SORCS1: variants seen among roughly 807,000 people sequenced by gnomAD.
The protein encoded by SORCS1 is VPS10 domain-containing receptor SorCS1.
Under a neutral mutation model 146.1 loss-of-function variants are expected in SORCS1, and 60 were observed. The ratio of observed to expected loss-of-function variants is 0.41; its 90% CI spans 0.33 to 0.51. The LOEUF (loss-of-function observed/expected upper bound fraction) is 0.51. Among genes scored for constraint, SORCS1 ranks in the 20% least tolerant of loss-of-function variants. The probability of loss-of-function intolerance (pLI) is 0.21; values close to 1 mark genes in which losing one functional copy is unlikely to be tolerated. For synonymous variants in SORCS1, 637 were observed against 584.0 expected (o/e 1.09, Z -1.31); for missense variants, 1,352 against 1,487.6 (o/e 0.91, Z 1.50).
At chr10:106,738,151 G>A (rs530033509) in intron 5 of SORCS1, among the ~76,000 whole-genome samples, 9 of 152,264 alleles carry the variant, frequency 5.9e-5, no homozygotes, top group Admixed American at 3.3e-4. Flanking sequence ...ATTCATAATT[G>A]TAGTCACTTT....
chr10:106,866,925 A>T (rs1950240871), intron 2 of SORCS1, among the ~76,000 whole-genome samples: 1 of 152,322 alleles, frequency 6.6e-6, no homozygotes, highest in Non-Finnish European at 1.5e-5. Flanking sequence ...AGCCTCTCGT[A>T]ACTCAAGTGG....
chr10:106,938,820 C>A (rs1156757835), intron 2 of SORCS1, among the ~76,000 whole-genome samples: 5 of 152,186 alleles, frequency 3.3e-5, no homozygotes, highest in Non-Finnish European at 7.3e-5. Flanking sequence ...AACTCAGAGG[C>A]CAGACCTCTA....
At chr10:106,770,451 T>G (rs1859931709) in intron 4 of SORCS1, among the ~76,000 whole-genome samples, 1 of 150,762 alleles carries the variant, frequency 6.6e-6, no homozygotes, top group Admixed American at 6.6e-5. Flanking sequence ...ACCGATCATT[T>G]ATTTGAATGT....
chr10:106,783,457 A>C (rs529392118), intron 3 of SORCS1, among the ~76,000 whole-genome samples: 2 of 152,308 alleles, frequency 1.3e-5, no homozygotes, highest in South Asian at 4.1e-4. Flanking sequence ...AAAGGATGAC[A>C]TATATAGTAC....
At chr10:106,761,500 T>C (rs1859105377) in intron 5 of SORCS1, 88 bp downstream of exon 5, 1 of 1,136,558 alleles carries the variant, frequency 8.8e-7, no homozygotes, top group Non-Finnish European at 1.3e-6. Flanking sequence ...GTGAGAGCAC[T>C]GGTGAGAACA....
chr10:106,715,777 G>A (rs1855324390), intron 6 of SORCS1, among the ~76,000 whole-genome samples: 1 of 151,486 alleles, frequency 6.6e-6, no homozygotes, highest in Non-Finnish European at 1.5e-5. Context: ...TTTTTTTTGA[G>A]GACAGAGTCT....
In SORCS1 at chr10:107,122,562, T is replaced by C. The variant is rs116024185; in HGVS notation, c.558+41407A>G. On this transcript the variant is annotated intron_variant, in intron 1 of 25. Coordinates refer to ENST00000263054, the MANE Select transcript of SORCS1 (RefSeq NM_052918.5). ...TAATCTTAAATGATGCATATACAAA[T>C]AGCGGTAGCATTTAGTTATTTTTAT... Among the ~76,000 whole-genome samples, 535 of 152,342 alleles carry C rather than the reference T, an allele frequency of 3.5e-3. 3 individuals carry two copies. The highest frequency in any genetic ancestry group is 0.012 in the African/African-American group (494 of 41,588).
At chr10:106,804,486 T>A (rs1275632623) in intron 3 of SORCS1, among the ~76,000 whole-genome samples, 2 of 151,710 alleles carry the variant, frequency 1.3e-5, no homozygotes, top group African/African-American at 4.8e-5. Flanking sequence ...ACAACAAAAA[T>A]TAAAACAAAC....
At chr10:107,154,961 T>C (rs1969162920) in intron 1 of SORCS1, among the ~76,000 whole-genome samples, 2 of 152,242 alleles carry the variant, frequency 1.3e-5, no homozygotes, top group Admixed American at 1.3e-4. Flanking sequence ...ATAAAGTTAA[T>C]TGCACAAGTT....
chr10:106,675,742 T>G (rs1213212341), intron 13 of SORCS1, among the ~76,000 whole-genome samples: 1 of 152,220 alleles, frequency 6.6e-6, no homozygotes, highest in East Asian at 1.9e-4. Flanking sequence ...ATGTTGAATA[T>G]CTAATCGCCA....
chr10:106,844,929 G>T (rs1291755479), intron 2 of SORCS1, among the ~76,000 whole-genome samples: 3 of 149,352 alleles, frequency 2.0e-5, no homozygotes, highest in African/African-American at 7.4e-5. Flanking sequence ...TTTTATGGCT[G>T]CATAGTATTC....
chr10:107,029,757 T>C (rs1322413000), intron 1 of SORCS1, among the ~76,000 whole-genome samples: 1 of 152,178 alleles, frequency 6.6e-6, no homozygotes, highest in Admixed American at 6.5e-5. Context: ...CACACCTACA[T>C]GTATATATGC....
intron 1 of SORCS1, among the ~76,000 whole-genome samples, chr10:107,152,032 G>T (rs1489337891): frequency 6.6e-6 from 1 of 152,180 alleles, no homozygotes; most frequent in Non-Finnish European, 1.5e-5. Flanking sequence ...AGAACCCACT[G>T]CTCTGTGCAG....
At chr10:106,861,407 A>T (rs1950011171) in intron 2 of SORCS1, among the ~76,000 whole-genome samples, 1 of 151,644 alleles carries the variant, frequency 6.6e-6, no homozygotes, top group South Asian at 2.1e-4. Context: ...CTTAAAAAAA[A>T]AAAAAAAAAA....
rs542946378 is a variant in SORCS1, at chr10:106,658,255, C to T, written c.2304-5702G>A. On this transcript the variant is annotated intron_variant, in intron 17 of 25. Coordinates refer to ENST00000263054, the MANE Select transcript of SORCS1 (RefSeq NM_052918.5). The stretch of plus-strand genomic sequence containing the variant: ...TCTGTATACTAAATGCCTTCTTTTG[C>T]CTGTGCTGTTCATTCTGCCCGGGAT... 2.6e-5 allele frequency among the ~76,000 whole-genome samples: 4 copies of T among 152,040 alleles called. No homozygotes were observed. In the South Asian group the frequency reaches 8.3e-4, roughly 32 times the overall value.
At chr10:106,771,231 A>T (rs1458572193) in intron 4 of SORCS1, among the ~76,000 whole-genome samples, 18 of 150,672 alleles carry the variant, frequency 1.2e-4, no homozygotes, top group South Asian at 4.2e-4. Context: ...TTTTTTTTTT[A>T]AATTTCCTTA....
At chr10:106,688,866 AC>A (rs112558105) in intron 9 of SORCS1, among the ~76,000 whole-genome samples, 2,060 of 152,300 alleles carry the variant, frequency 0.014, 57 homozygotes, top group African/African-American at 0.047. Flanking sequence ...TTATTAACCC[AC>A]AACTCTGCGG....
intron 2 of SORCS1, among the ~76,000 whole-genome samples, chr10:106,927,441 A>G (rs1481246562): frequency 6.6e-6 from 1 of 152,162 alleles, no homozygotes; most frequent in Non-Finnish European, 1.5e-5. Context: ...GTTACAGCTC[A>G]TAAAGGCAGT....
At chr10:107,179,831 C>T in the SORCS1 span, among the ~76,000 whole-genome samples, 11 of 149,238 alleles carry the variant, frequency 7.4e-5, no homozygotes, top group Admixed American at 2.0e-4. Flanking sequence ...GTCAGATATA[C>T]GGTTAGCAAA....
Sources: allele counts gnomAD v4.1 joint callset (sites outside exome capture counted in the v4.1 genomes callset), GRCh38; gene constraint gnomAD v4.1.1; transcripts MANE v1.5; gene names NCBI Gene and HGNC (gene_info 2026-07-23, HGNC 2026-07-21).